Variants in CASP5 observed in about 807,000 individuals in gnomAD.
CASP5 encodes the protein caspase 5.
CASP5 carries 42 observed loss-of-function variants against 45.2 expected under a neutral mutation model. The ratio of observed to expected loss-of-function variants is 0.93; its 90% confidence interval spans 0.73 to 1.20. The LOEUF (loss-of-function observed/expected upper bound fraction) is 1.20, where lower values mean the gene tolerates loss of function less well. Among genes scored for constraint, CASP5 ranks in the 50% most tolerant of loss-of-function variants. The pLI, the probability that CASP5 is intolerant of heterozygous loss-of-function variation, is 0.00. For synonymous variants in CASP5, 209 were observed against 186.2 expected, an observed-to-expected ratio of 1.12 and a Z score of -1.00; for missense variants, 512 against 532.2, an observed-to-expected ratio of 0.96 and a Z score of 0.37.
intron 1 of CASP5, among the ~76,000 whole-genome samples, chr11:105,009,861 A>G: frequency 7.1e-6 from 1 of 140,186 alleles, no homozygotes; most frequent in Admixed American, 7.2e-5. Flanking sequence ...ACACATATAT[A>G]TACATATATA....
chr11:105,019,410 A>G (rs1565394801), intron 1 of CASP5, among the ~76,000 whole-genome samples: 1 of 149,980 alleles, frequency 6.7e-6, no homozygotes, highest in Non-Finnish European at 1.5e-5. Flanking sequence ...GACCGCTAGC[A>G]AGACTAATAA....
Position 105,007,281 on chromosome 11 carries a change from C to G in CASP5, c.235G>C (p.Val79Leu). The G allele has an allele frequency of 1.2e-6, 2 of 1,610,058 alleles. No individual in the cohort carries two copies. Among genetic ancestry groups the G allele is most frequent in the Non-Finnish European group, 1.7e-6 (2 of 1,179,170 alleles). ...VKMLEYLGKD[V>L]LHGVFNYLAK... The stretch of plus-strand genomic sequence containing the variant: ...AAATAATTAAAAACACCATGAAGAA[C>G]ATCTTTGCCCAGGTATTCCAACATC... Residue 79 changes from valine to leucine, a missense_variant, in exon 3 of 10, where the codon GTT (valine) becomes CTT (leucine). By Grantham distance (32) the Val-to-Leu change is conservative. Transcript: ENST00000260315.
At chr11:105,009,699 C>A (rs1862173749) in intron 1 of CASP5, among the ~76,000 whole-genome samples, 3 of 116,098 alleles carry the variant, frequency 2.6e-5, no homozygotes, top group Admixed American at 1.0e-4. Context: ...AGATTTTTAC[C>A]AGGAGATATA....
intron 1 of CASP5, among the ~76,000 whole-genome samples, chr11:105,009,942 CACAT>C (rs1279670225): frequency 5.2e-4 from 76 of 145,874 alleles, no homozygotes; most frequent in African/African-American, 1.9e-3. Flanking sequence ...CACACACACA[CACAT>C]ATATATATCA....
chr11:104,999,759 A>G (rs181705009), intron 6 of CASP5, among the ~76,000 whole-genome samples: 3 of 152,348 alleles, frequency 2.0e-5, no homozygotes, highest in Admixed American at 2.0e-4. Context: ...TCATGAGGTA[A>G]TTGGAAGTCA....
intron 1 of CASP5, among the ~76,000 whole-genome samples, chr11:105,016,811 AAGG>A: frequency 6.6e-6 from 1 of 152,092 alleles, no homozygotes; most frequent in African/African-American, 2.4e-5. Context: ...ACCACAGCTC[AAGG>A]AGGCCTGCCT....
chr11:105,011,909 T>C (rs1160102807), intron 1 of CASP5, among the ~76,000 whole-genome samples: 1 of 151,754 alleles, frequency 6.6e-6, no homozygotes, highest in Non-Finnish European at 1.5e-5. Flanking sequence ...AAGCCTCCAA[T>C]GGCATTTTTT....
Position 104,998,920 on chromosome 11 carries a change from T to A in CASP5, c.1061A>T (p.Glu354Val), listed in dbSNP as rs1220391613. ...AGAACAGAAAGCAATGAAGTCCTTCTCCTCGTGGATCTTGCAAACAGAATC... is the reference window on the plus strand; with the variant it reads ...AGAACAGAAAGCAATGAAGTCCTTCACCTCGTGGATCTTGCAAACAGAATC... ...EADSVCKIHEEKDFIAFCSST... is the reference protein window; with the variant it reads ...EADSVCKIHEVKDFIAFCSST... The change falls in exon 7 of 10, where the codon GAG (glutamate) becomes GTG (valine). Residue 354 changes from glutamate to valine, a missense_variant. Physicochemically the swap from Glu to Val is moderately radical, Grantham distance 121. Coordinates refer to ENST00000260315, the MANE Select transcript of CASP5 (RefSeq NM_004347.5). 3 of 1,613,790 alleles carry A rather than the reference T, an allele frequency of 1.9e-6. No individual in the cohort carries two copies. In the African/African-American group the frequency reaches 4.0e-5, roughly 22 times the overall value.
intron 9 of CASP5, among the ~76,000 whole-genome samples, chr11:104,994,617 G>A (rs1861373440): frequency 6.6e-6 from 1 of 152,304 alleles, no homozygotes; most frequent in African/African-American, 2.4e-5. Context: ...ACCATGTGAT[G>A]TTCAAGCACA....
intron 5 of CASP5, among the ~76,000 whole-genome samples, chr11:105,000,777 T>TATC: frequency 6.6e-6 from 1 of 152,106 alleles, no homozygotes; most frequent in African/African-American, 2.4e-5. Context: ...TACTTTTTTT[T>TATC]ATCTCAATCT....
chr11:105,007,913 C>A (rs1444944987), intron 2 of CASP5, among the ~76,000 whole-genome samples: 1 of 152,108 alleles, frequency 6.6e-6, no homozygotes, highest in African/African-American at 2.4e-5. Flanking sequence ...AAATGGATGA[C>A]TGCACCCAGA....
chr11:105,020,366 T>C (rs1342863422), intron 1 of CASP5, among the ~76,000 whole-genome samples: 1 of 151,762 alleles, frequency 6.6e-6, no homozygotes, highest in Non-Finnish European at 1.5e-5. Context: ...GAAGTCAAAT[T>C]GTCCCTGTTT....
intron 1 of CASP5, among the ~76,000 whole-genome samples, chr11:105,009,724 T>TATATATATATATATATATATATACAC (rs1862183188): frequency 4.1e-5 from 1 of 24,548 alleles, no homozygotes; most frequent in Non-Finnish European, 8.0e-5. Context: ...TACACACATA[T>TATATATATATATATATATATATACAC]ATATATATAT....
At chr11:105,003,480 A>G (rs905514289) in intron 3 of CASP5, 97 bp from the exon 4 acceptor site, 3 of 670,920 alleles carry the variant, frequency 4.5e-6, no homozygotes, top group African/African-American at 1.9e-5. Flanking sequence ...AAATCCTAGG[A>G]AAAAGACTCT....
In CASP5 at chr11:105,000,494, T is replaced by G; in HGVS notation, c.719A>C (p.Asp240Ala). Residue 240 changes from aspartate to alanine, a missense_variant and splice_region_variant, in exon 6 of 10, where the codon GAT (aspartate) becomes GCT (alanine). Transcript: ENST00000260315. ...VVDEKNLTAR[D>A]MESVLRAFAA... is the part of the protein sequence containing the mutation. ...AAATGCCCTCAGCACTGACTCCATATCCTATAAAAGAGCAATGTCTAACTT... is the reference window on the plus strand; with the variant it reads ...AAATGCCCTCAGCACTGACTCCATAGCCTATAAAAGAGCAATGTCTAACTT... The G allele has an allele frequency of 6.2e-7, 1 of 1,613,840 alleles. No individual in the cohort carries two copies. The highest frequency in any genetic ancestry group is 1.3e-5 in the African/African-American group (1 of 75,030).
Position 105,000,462 on chromosome 11 carries a change from T to C in CASP5, c.751A>G (p.Arg251Gly). The C allele has an allele frequency of 6.2e-7, 1 of 1,614,178 alleles. No individual in the cohort carries two copies. The highest frequency in any genetic ancestry group is 8.5e-7 in the Non-Finnish European group (1 of 1,180,028). The change falls in exon 6 of 10, where the codon AGA (arginine) becomes GGA (glycine). Residue 251 changes from arginine (R) to glycine (G), a missense_variant. Arg to Gly is a moderately radical substitution (Grantham distance 125, BLOSUM62 -2). Transcript: ENST00000260315. ...CTGTCAGAGGACTTGTGCTCTGGTCTGGCAGCAAATGCCCTCAGCACTGAC... is the reference window on the plus strand; with the variant it reads ...CTGTCAGAGGACTTGTGCTCTGGTCCGGCAGCAAATGCCCTCAGCACTGAC... The part of the protein sequence containing the change: ...MESVLRAFAA[R>G]PEHKSSDSTF...
intron 1 of CASP5, among the ~76,000 whole-genome samples, chr11:105,020,103 A>G (rs1190334626): frequency 6.8e-6 from 1 of 145,998 alleles, no homozygotes; most frequent in East Asian, 1.9e-4. Flanking sequence ...ACAAAATTCA[A>G]CAACGCTTCA....
chr11:104,998,820 C>T, intron 7 of CASP5, 65 bp downstream of exon 7: 1 of 1,522,564 alleles, frequency 6.6e-7, no homozygotes, highest in East Asian at 2.3e-5. Context: ...ATCTTGATTT[C>T]ATAGAATCAT....
At chr11:105,019,145 C>T (rs1371342925) in intron 1 of CASP5, among the ~76,000 whole-genome samples, 1 of 150,952 alleles carries the variant, frequency 6.6e-6, no homozygotes, top group Non-Finnish European at 1.5e-5. Context: ...CTCTGGGATG[C>T]ATTCAAAGCA....
Sources: gnomAD v4.1 joint callset for allele counts (sites outside exome capture counted in the v4.1 genomes callset) on GRCh38, gnomAD v4.1.1 for gene constraint, MANE v1.5 for transcripts, NCBI Gene and HGNC (gene_info 2026-07-23, HGNC 2026-07-21) for gene names.